Variants in MYO18A observed in about 807,000 individuals in gnomAD.
MYO18A encodes the protein myosin XVIIIA, also known as unconventional myosin-XVIIIa.
Under a neutral mutation model 235.8 loss-of-function variants are expected in MYO18A, and 78 were observed. That is an observed-to-expected ratio of 0.33 (90% confidence interval 0.28 to 0.40). The LOEUF (loss-of-function observed/expected upper bound fraction) is 0.40. MYO18A is among the 10% of genes least tolerant of loss of function. The pLI, the probability that MYO18A is intolerant of heterozygous loss-of-function variation, is 1.00. For synonymous variants in MYO18A, 977 were observed against 1,077.8 expected (o/e 0.91, Z 1.83); for missense variants, 2,215 against 2,699.3 (o/e 0.82, Z 3.98).
intron 36 of MYO18A, 142 bp downstream of exon 36, chr17:29,090,390 C>G: frequency 1.3e-6 from 1 of 760,042 alleles, no homozygotes; most frequent in African/African-American, 1.8e-5. Context: ...GGCTCCAAGC[C>G]TAGCTCTTGC....
chr17:29,144,488 G>A (rs1174928106), intron 2 of MYO18A, among the ~76,000 whole-genome samples: 1 of 152,154 alleles, frequency 6.6e-6, no homozygotes, highest in African/African-American at 2.4e-5. Context: ...AAGAACGTGG[G>A]CTTGGCAGCC....
chr17:29,112,633 C>A (rs886776866), intron 15 of MYO18A, among the ~76,000 whole-genome samples: 1 of 152,250 alleles, frequency 6.6e-6, no homozygotes, highest in African/African-American at 2.4e-5. Flanking sequence ...AGGCCTGTGG[C>A]CACATCTGGC....
Position 29,074,749 on chromosome 17 carries a change from G to A in MYO18A, c.*21C>T. 6.2e-7 allele frequency: 1 copy of A among 1,613,300 alleles called. No individual in the cohort carries two copies. Among genetic ancestry groups the A allele is most frequent in the Non-Finnish European group, 8.5e-7 (1 of 1,179,324 alleles). On this transcript the variant is annotated 3_prime_UTR_variant, in exon 42 of 42. Transcript: ENST00000527372. The surrounding 1 kb of genome is among the most constrained non-coding windows in gnomAD (Gnocchi z 4.4). ...CAGCCACAGGCCCTGGGGTGAGAGG[G>A]CTGCCAACCACTCCCCTGGGCTATG...
intron 41 of MYO18A, 115 bp downstream of exon 41, chr17:29,082,201 A>G: frequency 7.2e-7 from 1 of 1,390,008 alleles, no homozygotes; most frequent in Non-Finnish European, 1.0e-6. Flanking sequence ...CCCGGGCCGC[A>G]GTCACAAATG....
intron 1 of MYO18A, among the ~76,000 whole-genome samples, chr17:29,171,971 G>C (rs890194669): frequency 1.3e-5 from 2 of 152,000 alleles, no homozygotes; most frequent in African/African-American, 4.8e-5. Flanking sequence ...AGCAAGGATA[G>C]GAAAATGTTA....
In MYO18A at chr17:29,109,995, C is replaced by G. The variant is rs372516386; in HGVS notation, c.3194G>C (p.Arg1065Pro). The change falls in exon 19 of 42, where the codon CGA becomes CCA. Residue 1065 changes from arginine (R) to proline (P), a missense_variant. Transcript: ENST00000527372. The surrounding 1 kb of genome is among the most constrained non-coding windows in gnomAD (Gnocchi z 4.1). Reference protein sequence around the residue: ...AGEPRSASSRRVSSSSELDLP... With the variant: ...AGEPRSASSRPVSSSSELDLP... ...GTCCAGCTCACTGCTGCTGCTGACTCGGCGGGAGGAGGCGGAACGGGGCTC... is the reference window on the plus strand; with the variant it reads ...GTCCAGCTCACTGCTGCTGCTGACTGGGCGGGAGGAGGCGGAACGGGGCTC... 6.2e-7 allele frequency: 1 copy of G among 1,611,988 alleles called. No homozygotes were observed. Among genetic ancestry groups the G allele is most frequent in the Non-Finnish European group, 8.5e-7 (1 of 1,179,308 alleles).
At chr17:29,165,336 GC>G (rs1208543315) in intron 2 of MYO18A, 1 of 152,270 alleles carries the variant, frequency 6.6e-6, no homozygotes. Context: ...ACACATGTTA[GC>G]CTATACACCC....
chr17:29,097,372 G>C, intron 26 of MYO18A, 22 bp from the exon 27 acceptor site: 1 of 1,604,890 alleles, frequency 6.2e-7, no homozygotes, highest in Non-Finnish European at 8.5e-7. Context: ...AGGCAGACAA[G>C]GGAGGATGGA....
intron 2 of MYO18A, among the ~76,000 whole-genome samples, chr17:29,148,864 G>A (rs925347019): frequency 6.6e-6 from 1 of 152,200 alleles, no homozygotes; most frequent in Non-Finnish European, 1.5e-5. Context: ...CCCTACGCAC[G>A]GGTCAGGCTC....
At chr17:29,172,141 T>G (rs937975117) in intron 1 of MYO18A, among the ~76,000 whole-genome samples, 1 of 152,092 alleles carries the variant, frequency 6.6e-6, no homozygotes, top group Non-Finnish European at 1.5e-5. Context: ...GTGTCAGAGC[T>G]CAGGCTTTGG....
intron 2 of MYO18A, among the ~76,000 whole-genome samples, chr17:29,135,005 C>T (rs914702972): frequency 3.3e-5 from 5 of 152,116 alleles, no homozygotes; most frequent in East Asian, 3.8e-4. Flanking sequence ...AGAGCTGGGC[C>T]GCTTGAAAAA....
chr17:29,163,983 G>A (rs1445930547), intron 2 of MYO18A, among the ~76,000 whole-genome samples: 3 of 152,188 alleles, frequency 2.0e-5, no homozygotes, highest in East Asian at 1.9e-4. Flanking sequence ...TCCGCCTCCC[G>A]GGTTCAAGTG....
intron 41 of MYO18A, chr17:29,080,494 C>T (rs1598264676): frequency 5.1e-6 from 5 of 986,150 alleles, no homozygotes; most frequent in Non-Finnish European, 6.0e-6. Flanking sequence ...AGAATCAGGG[C>T]TCTCCCGGCC....
intron 37 of MYO18A, 76 bp from the exon 38 acceptor site, chr17:29,087,197 C>G (rs928387423): frequency 1.4e-6 from 2 of 1,480,862 alleles, no homozygotes; most frequent in African/African-American, 2.8e-5. Context: ...TGGCAGAGCT[C>G]TGGGTGAGGA....
rs2068095881 is a variant in MYO18A at position 29,158,032 on chromosome 17, G to A, written c.999+7910C>T. ...TGGTCTCAAACTCCTAGGCTCAAGC[G>A]ATCTGCCCACCTCAGCCTCCCAAAG... is the stretch of plus-strand genomic sequence containing the variant. On this transcript the variant is annotated intron_variant, in intron 2 of 41. Transcript: ENST00000527372. This position sits in a 1 kb window ranked among gnomAD's most constrained non-coding sequence, Gnocchi z 4.3. Among the ~76,000 whole-genome samples, 1 of 152,122 alleles carries A rather than the reference G, an allele frequency of 6.6e-6. No homozygotes were observed. Among genetic ancestry groups the A allele is most frequent in the African/African-American group, 2.4e-5 (1 of 41,418 alleles).
intron 13 of MYO18A, 88 bp downstream of exon 13, chr17:29,115,263 C>A (rs1469633773): frequency 1.4e-5 from 21 of 1,502,356 alleles, no homozygotes; most frequent in Non-Finnish European, 1.7e-5. Context: ...CTGGAAGAGA[C>A]CGGCTCTGCC....
At chr17:29,085,295 G>A (rs1337870787) in intron 40 of MYO18A, among the ~76,000 whole-genome samples, 1 of 152,234 alleles carries the variant, frequency 6.6e-6, no homozygotes, top group African/African-American at 2.4e-5. Flanking sequence ...TTTGAGGGAG[G>A]AATGTGCTGG....
chr17:29,095,637 C>T (rs781558429), intron 28 of MYO18A, among the ~76,000 whole-genome samples: 1 of 152,230 alleles, frequency 6.6e-6, no homozygotes, highest in Non-Finnish European at 1.5e-5. Flanking sequence ...AATGGGCACA[C>T]AGGGGGCCTC....
In MYO18A at chr17:29,166,190, G is replaced by A. The variant is rs780709639; in HGVS notation, c.751C>T (p.Arg251Trp). 2 of 1,612,808 alleles carry A rather than the reference G, an allele frequency of 1.2e-6. No individual in the cohort carries two copies. Among genetic ancestry groups the A allele is most frequent in the Non-Finnish European group, 1.7e-6 (2 of 1,179,886 alleles). The stretch of plus-strand genomic sequence containing the variant: ...GGCTCAGCAAAGTGGACCACACGCC[G>A]ACAGGCCTGGCCCTCGGGGCCCCGA... ...LDRGPEGQAC[R>W]RVVHFAEPGA... The change falls in exon 2 of 42, where the codon CGG becomes TGG. Residue 251 changes from arginine (R) to tryptophan (W), a missense_variant. Arg to Trp is a moderately radical substitution (Grantham distance 101). Coordinates refer to ENST00000527372, the MANE Select transcript of MYO18A (RefSeq NM_078471.4).
Sources: allele counts gnomAD v4.1 joint callset (sites outside exome capture counted in the v4.1 genomes callset), GRCh38; gene constraint gnomAD v4.1.1; non-coding constraint Gnocchi (gnomAD v3.1); transcripts MANE v1.5; gene names NCBI Gene and HGNC (gene_info 2026-07-23, HGNC 2026-07-21).